Variants in NCKAP5 observed in about 807,000 individuals in gnomAD.
NCKAP5 encodes NCK associated protein 5, also known as nck-associated protein 5.
NCKAP5 carries 92 observed loss-of-function variants against 167.0 expected under a neutral mutation model. That is an observed-to-expected ratio of 0.55 (90% CI 0.47 to 0.66). NCKAP5 has a LOEUF of 0.66. NCKAP5 is among the 30% of genes least tolerant of loss of function. The pLI is 0.00. For synonymous variants in NCKAP5, 891 were observed against 877.4 expected, an observed-to-expected ratio of 1.02 and a Z score of -0.27; for missense variants, 2,378 against 2,315.0, an observed-to-expected ratio of 1.03 and a Z score of -0.56.
chr2:132,699,032 A>G (rs1257844307), intron 19 of NCKAP5, among the ~76,000 whole-genome samples: 7 of 152,228 alleles, frequency 4.6e-5, no homozygotes, highest in Admixed American at 2.6e-4. Context: ...CTTGTTTGCC[A>G]CATTGCAGAA....
intron 3 of NCKAP5, among the ~76,000 whole-genome samples, chr2:133,492,787 T>C (rs2151358186): frequency 6.6e-6 from 1 of 152,292 alleles, no homozygotes. Context: ...ATTACATGAA[T>C]CCACAATTTA....
intron 5 of NCKAP5, among the ~76,000 whole-genome samples, chr2:133,205,682 A>G (rs1483218082): frequency 6.6e-6 from 1 of 152,164 alleles, no homozygotes; most frequent in Non-Finnish European, 1.5e-5. Flanking sequence ...CATTAAGATT[A>G]TACTGAAAGC....
chr2:133,577,275 G>A, the NCKAP5 span, among the ~76,000 whole-genome samples: 25,973 of 152,128 alleles, frequency 0.17, 2,406 homozygotes, highest in East Asian at 0.32. Context: ...TTCTAGAATT[G>A]ATGTGGTGAG....
intron 10 of NCKAP5, among the ~76,000 whole-genome samples, chr2:132,861,622 C>T (rs1452332674): frequency 2.0e-5 from 3 of 152,130 alleles, no homozygotes; most frequent in South Asian, 2.1e-4. Flanking sequence ...ACTTTTCCTT[C>T]TTATCCACCT....
chr2:133,245,964 G>A (rs999983642), intron 4 of NCKAP5, among the ~76,000 whole-genome samples: 2 of 151,984 alleles, frequency 1.3e-5, no homozygotes, highest in African/African-American at 4.8e-5. Flanking sequence ...TAATGCTAGG[G>A]CAGTCAACTA....
At chr2:133,646,924 T>C in the NCKAP5 span, among the ~76,000 whole-genome samples, 8 of 152,206 alleles carry the variant, frequency 5.3e-5, no homozygotes, top group Admixed American at 5.2e-4. Context: ...TTTATAACTA[T>C]AATATATTTT....
At chr2:132,820,480 G>A (rs939952765) in intron 11 of NCKAP5, among the ~76,000 whole-genome samples, 2 of 151,940 alleles carry the variant, frequency 1.3e-5, no homozygotes, top group African/African-American at 4.8e-5. Context: ...TGCCCGCCTT[G>A]GCCTCCCAAA....
chr2:133,208,218 A>C (rs2150149723), intron 5 of NCKAP5, among the ~76,000 whole-genome samples: 1 of 152,252 alleles, frequency 6.6e-6, no homozygotes, highest in South Asian at 2.1e-4. Flanking sequence ...TTGCACCTGT[A>C]GTTCCAATTA....
At chr2:132,972,859 C>T (rs574531608) in intron 7 of NCKAP5, among the ~76,000 whole-genome samples, 1 of 145,926 alleles carries the variant, frequency 6.9e-6, no homozygotes, top group Non-Finnish European at 1.5e-5. Context: ...GAGACTCCAT[C>T]TCCAAAAAAA....
chr2:133,422,482 G>A (rs572513295), intron 3 of NCKAP5, among the ~76,000 whole-genome samples: 4 of 152,286 alleles, frequency 2.6e-5, no homozygotes, highest in Admixed American at 2.6e-4. Flanking sequence ...CAAGAGCCGA[G>A]AGAGCAGATA....
At chr2:133,454,835 A>G (rs1053003456) in intron 3 of NCKAP5, among the ~76,000 whole-genome samples, 3 of 152,066 alleles carry the variant, frequency 2.0e-5, no homozygotes, top group Non-Finnish European at 4.4e-5. Flanking sequence ...GCAGAACCCA[A>G]GATATTCTTT....
chr2:133,020,835 GAGA>G (rs2078501053), intron 6 of NCKAP5, among the ~76,000 whole-genome samples: 1 of 152,182 alleles, frequency 6.6e-6, no homozygotes, highest in Non-Finnish European at 1.5e-5. Flanking sequence ...GTGAAAGGTG[GAGA>G]AGCAATCACC....
chr2:133,656,866 A>G, the NCKAP5 span, among the ~76,000 whole-genome samples: 1 of 151,890 alleles, frequency 6.6e-6, no homozygotes, highest in East Asian at 1.9e-4. Context: ...TTTGGGGCAC[A>G]TATCACCCAA....
chr2:133,199,922 A>G (rs2085600627), intron 5 of NCKAP5, among the ~76,000 whole-genome samples: 1 of 152,006 alleles, frequency 6.6e-6, no homozygotes, highest in African/African-American at 2.4e-5. Context: ...CAACAACATT[A>G]TGCTGTGTGG....
chr2:133,059,396 GGCCATTACA>G lies in NCKAP5; in HGVS notation c.342-65166_342-65158del. Among the ~76,000 whole-genome samples, 3 of 152,002 alleles carry G rather than the reference GGCCATTACA, an allele frequency of 2.0e-5. No homozygotes were observed. In the South Asian group the frequency reaches 6.2e-4, roughly 32 times the overall value. On this transcript the variant is annotated intron_variant, in intron 6 of 19. Transcript: ENST00000409261. ...TTTTGAAATTAAAGTATGTATGGTG[GGCCATTACA>G]GTGGCTCATTCCTGTGATCCCAGCA...
intron 6 of NCKAP5, among the ~76,000 whole-genome samples, chr2:133,126,912 C>T (rs2082421433): frequency 6.6e-6 from 1 of 152,032 alleles, no homozygotes; most frequent in Admixed American, 6.6e-5. Context: ...TGTAAATCTA[C>T]CTTTTATTGT....
intron 3 of NCKAP5, among the ~76,000 whole-genome samples, chr2:133,389,632 A>C (rs1687255673): frequency 6.6e-6 from 1 of 152,238 alleles, no homozygotes; most frequent in Non-Finnish European, 1.5e-5. Context: ...ACTAAACGAT[A>C]CACCTATTTC....
intron 3 of NCKAP5, among the ~76,000 whole-genome samples, chr2:133,501,744 C>T (rs1682537165): frequency 6.6e-6 from 1 of 152,194 alleles, no homozygotes; most frequent in African/African-American, 2.4e-5. Flanking sequence ...TTAACAAGAG[C>T]TAAGCTATTA....
At chr2:133,378,876 G>A (rs1231882166) in intron 3 of NCKAP5, among the ~76,000 whole-genome samples, 3 of 152,180 alleles carry the variant, frequency 2.0e-5, no homozygotes, top group African/African-American at 7.2e-5. Flanking sequence ...AATGATTGTG[G>A]AGCGGTGACT....
Sources: gnomAD v4.1 joint callset for allele counts (sites outside exome capture counted in the v4.1 genomes callset) on GRCh38, gnomAD v4.1.1 for gene constraint, MANE v1.5 for transcripts, NCBI Gene and HGNC (gene_info 2026-07-23, HGNC 2026-07-21) for gene names.